AGAP1: variants seen among roughly 807,000 people sequenced by gnomAD.
AGAP1 encodes the protein ArfGAP with GTPase domain, ankyrin repeat and PH domain 1.
A neutral mutation model predicts 105.3 loss-of-function variants in AGAP1; 29 were observed. That is an observed-to-expected ratio of 0.28 (90% CI 0.21 to 0.38). The LOEUF (loss-of-function observed/expected upper bound fraction) is 0.38. Among genes scored for constraint, AGAP1 ranks in the 10% least tolerant of loss-of-function variants. The pLI is 1.00. For missense variants in AGAP1, 998 were observed against 1,165.1 expected (o/e 0.86, Z 2.09); for synonymous variants, 509 against 485.9 (o/e 1.05, Z -0.63).
At chr2:235,499,380 G>A (rs930278257) in intron 1 of AGAP1, among the ~76,000 whole-genome samples, 1 of 152,226 alleles carries the variant, frequency 6.6e-6, no homozygotes, top group East Asian at 1.9e-4. Flanking sequence ...GTTGATGCAG[G>A]TGTGCATGTT....
At chr2:235,595,603 CA>C (rs1945500659) in intron 1 of AGAP1, among the ~76,000 whole-genome samples, 1 of 152,168 alleles carries the variant, frequency 6.6e-6, no homozygotes, top group South Asian at 2.1e-4. Flanking sequence ...GACTCATTTC[CA>C]GCAGCCACCA....
chr2:236,117,289 C>T (rs1341140589), intron 16 of AGAP1, among the ~76,000 whole-genome samples: 1 of 152,118 alleles, frequency 6.6e-6, no homozygotes, highest in Non-Finnish European at 1.5e-5. Context: ...TGATTATGGC[C>T]ATTCTTGAAG....
rs943852613 is a variant in AGAP1 at position 235,752,840 on chromosome 2, C to G, written c.673+2352C>G. 2.6e-5 allele frequency among the ~76,000 whole-genome samples: 4 copies of G among 152,214 alleles called. No individual in the cohort carries two copies. The highest frequency in any genetic ancestry group is 9.6e-5 in the African/African-American group (4 of 41,460). ...TCCTGCCAAACAGCCTTTGTACGTT[C>G]TGGCTGCTCTAACAAGACCCAGTGG... is the stretch of plus-strand genomic sequence containing the variant. On this transcript the variant is annotated intron_variant, in intron 6 of 17. Transcript: ENST00000304032. The surrounding 1 kb of genome is among the most constrained non-coding windows in gnomAD (Gnocchi z 4.3).
chr2:236,117,923 G>C (rs919422720), intron 16 of AGAP1, among the ~76,000 whole-genome samples: 5 of 152,104 alleles, frequency 3.3e-5, no homozygotes, highest in African/African-American at 7.2e-5. Context: ...TGCATTTGTG[G>C]GGGCCGGTGT....
chr2:236,047,594 A>ATTTTTTTTTTT (rs2057759642), intron 15 of AGAP1, among the ~76,000 whole-genome samples: 6 of 92,482 alleles, frequency 6.5e-5, no homozygotes, highest in East Asian at 3.5e-4. Flanking sequence ...CTCTTCTCAC[A>ATTTTTTTTTTT]TTTCTTTTTT....
rs563081593 is a variant in AGAP1, at chr2:235,797,740, TTGTC to T, written c.674-15_674-12del. The T allele has an allele frequency of 1.6e-4, 263 of 1,614,082 alleles. 1 individual carries two copies. The African/African-American group carries it at 1.7e-3, about 10-fold the overall frequency. The stretch of plus-strand genomic sequence containing the variant: ...GAAATTGATTGACATGGATTTCTTT[TTGTC>T]TGTGTGTCCACCAGTTGCCCAGAAG... On this transcript the variant is annotated splice_polypyrimidine_tract_variant and intron_variant, in intron 6 of 17. Coordinates refer to ENST00000304032, the MANE Select transcript of AGAP1 (RefSeq NM_001037131.3).
rs1448392500 is a variant in AGAP1 at position 235,792,622 on chromosome 2, T to A, written c.674-5137T>A. Among the ~76,000 whole-genome samples, 1 of 152,122 alleles carries A rather than the reference T, an allele frequency of 6.6e-6. No homozygotes were observed. Among genetic ancestry groups the A allele is most frequent in the Non-Finnish European group, 1.5e-5 (1 of 68,014 alleles). On this transcript the variant is annotated intron_variant, in intron 6 of 17. Coordinates refer to ENST00000304032, the MANE Select transcript of AGAP1 (RefSeq NM_001037131.3). This position sits in a 1 kb window ranked among gnomAD's most constrained non-coding sequence, Gnocchi z 5.3. The stretch of plus-strand genomic sequence containing the variant: ...CAAGGCAGTGGCAGTGAAGACGAAT[T>A]TCTGAGAAACTCTGGTGGTTGAACC...
intron 9 of AGAP1, among the ~76,000 whole-genome samples, chr2:235,857,779 C>A (rs2048749948): frequency 6.6e-6 from 1 of 152,164 alleles, no homozygotes; most frequent in Non-Finnish European, 1.5e-5. Context: ...AACTGATTTG[C>A]AAGAATGTAG....
chr2:236,057,953 G>A (rs750561127), intron 16 of AGAP1, among the ~76,000 whole-genome samples: 20 of 152,156 alleles, frequency 1.3e-4, no homozygotes, highest in African/African-American at 2.7e-4. Flanking sequence ...TGCCCTCCCC[G>A]GGGGTTGTGG....
At chr2:235,668,505 T>A (rs941187196) in intron 1 of AGAP1, among the ~76,000 whole-genome samples, 7 of 152,342 alleles carry the variant, frequency 4.6e-5, no homozygotes, top group African/African-American at 1.7e-4. Flanking sequence ...GCTGTGGCAT[T>A]TCTAGGCCTG....
chr2:236,103,984 C>T (rs1369925157), intron 16 of AGAP1, among the ~76,000 whole-genome samples: 2 of 152,370 alleles, frequency 1.3e-5, no homozygotes, highest in East Asian at 3.9e-4. Context: ...GCCTTACGTC[C>T]TTACTATGTC....
At chr2:235,984,336 G>A (rs1235786455) in intron 13 of AGAP1, among the ~76,000 whole-genome samples, 2 of 152,100 alleles carry the variant, frequency 1.3e-5, no homozygotes, top group African/African-American at 4.8e-5. Context: ...TGTTATGAAG[G>A]ATGCTGCGTG....
rs574279336 is a variant in AGAP1, at chr2:235,643,950, A to C, written c.164-65229A>C. Among the ~76,000 whole-genome samples, 11 of 152,276 alleles carry C rather than the reference A, an allele frequency of 7.2e-5. No individual in the cohort carries two copies. In the South Asian group the frequency reaches 1.0e-3, roughly 14 times the overall value. ...AACTGATTATCTACTCAAAGGAAGCAGATGACAGAGCCCCCGTGATGTGTG... is the reference window on the plus strand; with the variant it reads ...AACTGATTATCTACTCAAAGGAAGCCGATGACAGAGCCCCCGTGATGTGTG... On this transcript the variant is annotated intron_variant, in intron 1 of 17. Coordinates refer to ENST00000304032, the MANE Select transcript of AGAP1 (RefSeq NM_001037131.3).
chr2:235,905,585 T>A lies in AGAP1; in HGVS notation c.1156-3153T>A, dbSNP rs573263321. 1.3e-5 allele frequency among the ~76,000 whole-genome samples: 2 copies of A among 151,702 alleles called. No homozygotes were observed. The highest frequency in any genetic ancestry group is 1.3e-4 in the Admixed American group (2 of 15,288). ...CATGATCTCTGCTCCCTGCAATCTC[T>A]GTCTCCCAGGTTCAAGCGATTCTCC... On this transcript the variant is annotated intron_variant, in intron 10 of 17. Coordinates refer to ENST00000304032, the MANE Select transcript of AGAP1 (RefSeq NM_001037131.3). This position sits in a 1 kb window ranked among gnomAD's most constrained non-coding sequence, Gnocchi z 4.2.
chr2:236,128,075 A>ACCCC lies in AGAP1; in HGVS notation c.*3962_*3965dup, dbSNP rs34549453. 7.8e-6 allele frequency: 1 copy of ACCCC among 128,972 alleles called. No homozygotes were observed. The highest frequency in any genetic ancestry group is 3.0e-5 in the African/African-American group (1 of 33,078). 8.0% of individuals were successfully genotyped at this position (128,972 alleles called of 1,614,324 possible). A position where few individuals can be genotyped will look rare whatever the true frequency, so the allele number is the denominator to read the frequency against. On this transcript the variant is annotated 3_prime_UTR_variant, in exon 18 of 18. Coordinates refer to ENST00000304032, the MANE Select transcript of AGAP1 (RefSeq NM_001037131.3). The surrounding 1 kb of genome is among the most constrained non-coding windows in gnomAD (Gnocchi z 5.9). ...GAGGCTGTGATGGGCACGTTTGCCA[A>ACCCC]CCCCCCCCCCCCAGTAGAGCCCAGG...
chr2:235,889,423 A>G lies in AGAP1; in HGVS notation c.1155+5974A>G, dbSNP rs1485147526. Among the ~76,000 whole-genome samples the G allele has an allele frequency of 1.3e-5, 2 of 152,118 alleles. No individual in the cohort carries two copies. The highest frequency in any genetic ancestry group is 2.9e-5 in the Non-Finnish European group (2 of 68,026). On this transcript the variant is annotated intron_variant, in intron 10 of 17. Transcript: ENST00000304032. This position sits in a 1 kb window ranked among gnomAD's most constrained non-coding sequence, Gnocchi z 4.6. ...TCCCTCAGAACTGGGGCAGCTTTCT[A>G]CTTGCAGAAGATCATGACAAGGGAC...
rs976620748 is a variant in AGAP1 at position 235,700,388 on chromosome 2, C to G, written c.164-8791C>G. Reference sequence around the variant, plus strand: ...TCCTCACGCCCTCTGCTTTGATTCTCTCAGACGTGAATCCTTTAAGCAGTG... The same window carrying G: ...TCCTCACGCCCTCTGCTTTGATTCTGTCAGACGTGAATCCTTTAAGCAGTG... On this transcript the variant is annotated intron_variant, in intron 1 of 17. Transcript: ENST00000304032. This position sits in a 1 kb window ranked among gnomAD's most constrained non-coding sequence, Gnocchi z 6.1. Among the ~76,000 whole-genome samples, 2 of 152,204 alleles carry G rather than the reference C, an allele frequency of 1.3e-5. No homozygotes were observed. The highest frequency in any genetic ancestry group is 4.8e-5 in the African/African-American group (2 of 41,430).
chr2:235,632,401 G>A (rs1295229533), intron 1 of AGAP1, among the ~76,000 whole-genome samples: 1 of 152,128 alleles, frequency 6.6e-6, no homozygotes, highest in Non-Finnish European at 1.5e-5. Context: ...CCTCCCCTCT[G>A]CCTGTGTGTT....
At chr2:235,597,895 T>G (rs1298400184) in intron 1 of AGAP1, among the ~76,000 whole-genome samples, 8 of 56,398 alleles carry the variant, frequency 1.4e-4, no homozygotes, top group African/African-American at 2.0e-4. Context: ...CGTGTTTCCT[T>G]TGTGTGGAGC....
Sources: gnomAD v4.1 joint callset for allele counts (sites outside exome capture counted in the v4.1 genomes callset) on GRCh38, gnomAD v4.1.1 for gene constraint, Gnocchi (gnomAD v3.1) non-coding constraint, MANE v1.5 for transcripts, NCBI Gene and HGNC (gene_info 2026-07-23, HGNC 2026-07-21) for gene names.